Variants in ARHGEF7 observed in about 807,000 individuals in gnomAD.
The protein encoded by ARHGEF7 is PAK-interacting exchange factor beta.
Under a neutral mutation model 109.8 loss-of-function variants are expected in ARHGEF7, and 33 were observed. The ratio of observed to expected loss-of-function variants is 0.30; its 90% CI spans 0.23 to 0.40. ARHGEF7 has a LOEUF of 0.40. Ranked by LOEUF, ARHGEF7 falls within the 10% of genes least tolerant of loss-of-function variation. ARHGEF7 has a pLI of 1.00. For missense variants in ARHGEF7, 938 were observed against 1,098.5 expected (o/e 0.85, Z 2.07); for synonymous variants, 458 against 424.6 (o/e 1.08, Z -0.97).
intron 2 of ARHGEF7, among the ~76,000 whole-genome samples, chr13:111,197,140 C>T (rs11618508): frequency 0.3 from 45,766 of 151,932 alleles, 7,827 homozygotes; most frequent in Non-Finnish European, 0.39. Flanking sequence ...CCCTGCTGAT[C>T]GGAATAGTTG....
Position 111,239,247 on chromosome 13 carries a change from C to A in ARHGEF7, c.760-4625C>A, listed in dbSNP as rs1270119803. Among the ~76,000 whole-genome samples the A allele has an allele frequency of 6.6e-6, 1 of 152,138 alleles. No individual in the cohort carries two copies. Among genetic ancestry groups the A allele is most frequent in the Non-Finnish European group, 1.5e-5 (1 of 68,024 alleles). ...CCATAGAGCCAAACCATATCACTTT[C>A]CCTGTTATTTAGAGCATTATTATAA... On this transcript the variant is annotated intron_variant, in intron 6 of 21. Coordinates refer to ENST00000646102, the MANE Select transcript of ARHGEF7 (RefSeq NM_001354046.2). This position sits in a 1 kb window ranked among gnomAD's most constrained non-coding sequence, Gnocchi z 4.3.
chr13:111,167,891 C>T (rs573382622), intron 2 of ARHGEF7, among the ~76,000 whole-genome samples: 6 of 152,176 alleles, frequency 3.9e-5, no homozygotes, highest in Non-Finnish European at 7.3e-5. Context: ...AGCGTGACAG[C>T]GACATAAGGC....
chr13:111,234,455 G>A (rs1245562064), intron 6 of ARHGEF7, among the ~76,000 whole-genome samples: 2 of 152,182 alleles, frequency 1.3e-5, no homozygotes, highest in African/African-American at 4.8e-5. Flanking sequence ...TCTGTTAAAG[G>A]CACCAGGATG....
chr13:111,147,859 G>A (rs533721758), intron 1 of ARHGEF7, among the ~76,000 whole-genome samples: 3 of 151,778 alleles, frequency 2.0e-5, no homozygotes, highest in South Asian at 2.1e-4. Flanking sequence ...CACTACACCC[G>A]GCTAATTTTT....
At chr13:111,151,161 C>T (rs1307563476) in intron 1 of ARHGEF7, among the ~76,000 whole-genome samples, 3 of 152,218 alleles carry the variant, frequency 2.0e-5, no homozygotes, top group African/African-American at 7.2e-5. Flanking sequence ...ATTTACATTA[C>T]ATAGGTTCAT....
In ARHGEF7 at chr13:111,225,534, A is replaced by C. The variant is rs191775884; in HGVS notation, c.670+7654A>C. Among the ~76,000 whole-genome samples, 43 of 151,364 alleles carry C rather than the reference A, an allele frequency of 2.8e-4. No homozygotes were observed. The East Asian group carries it at 7.7e-3, about 27-fold the overall frequency. On this transcript the variant is annotated intron_variant, in intron 5 of 21. Transcript: ENST00000646102. ...TTTGTTTTTTTTTTTTTCTCTTACA[A>C]ATGGAAGGCTTGTGGCAACACTGTT...
At chr13:111,244,177 C>T in intron 7 of ARHGEF7, 22 bp from the exon 8 acceptor site, 1 of 1,509,996 alleles carries the variant, frequency 6.6e-7, no homozygotes, top group Non-Finnish European at 9.1e-7. Context: ...CATATGTTTA[C>T]TGTTATTTTT....
In ARHGEF7 at chr13:111,131,423, G is replaced by A. The variant is rs147923179; in HGVS notation, c.165+15732G>A. 3.3e-3 allele frequency among the ~76,000 whole-genome samples: 505 copies of A among 152,258 alleles called. 9 individuals are homozygous for A. The highest frequency in any genetic ancestry group is 3.3e-3 in the Admixed American group (50 of 15,302). The stretch of plus-strand genomic sequence containing the variant: ...GAATGGATTCAGGGTTGGGTGTGTC[G>A]TTGGAGGCATCCGCATAGAGCTGTT... On this transcript the variant is annotated intron_variant, in intron 1 of 21. Transcript: ENST00000646102. The surrounding 1 kb of genome is among the most constrained non-coding windows in gnomAD (Gnocchi z 4.4).
Position 111,202,291 on chromosome 13 carries a change from C to G in ARHGEF7, c.253-2998C>G, listed in dbSNP as rs910011401. Among the ~76,000 whole-genome samples, 3 of 152,326 alleles carry G rather than the reference C, an allele frequency of 2.0e-5. No individual in the cohort carries two copies. The East Asian group carries it at 5.8e-4, about 29-fold the overall frequency. The stretch of plus-strand genomic sequence containing the variant: ...CAGGATTCCTAATGACCTTCCTTAC[C>G]TCACCAGGAGCGCTTCTCACGCTTG... On this transcript the variant is annotated intron_variant, in intron 2 of 21. Transcript: ENST00000646102.
chr13:111,275,281 T>A (rs889113552), intron 11 of ARHGEF7, among the ~76,000 whole-genome samples: 5 of 152,242 alleles, frequency 3.3e-5, no homozygotes, highest in Non-Finnish European at 7.3e-5. Flanking sequence ...TGGCAAAATG[T>A]GCTCTATCTT....
In ARHGEF7 at chr13:111,303,781, TG is replaced by T. The variant is rs2093613626; in HGVS notation, c.*669del. ...ACTTGCTGGCTGACAGACTCAGTCT[TG>T]ACCTCAAGGAAGGCCCATACGGCAC... On this transcript the variant is annotated 3_prime_UTR_variant, in exon 22 of 22. Transcript: ENST00000646102. 6.6e-6 allele frequency: 1 copy of T among 152,298 alleles called. No homozygotes were observed. The highest frequency in any genetic ancestry group is 2.1e-4 in the South Asian group (1 of 4,834). 9.4% of individuals were successfully genotyped at this position (152,298 alleles called of 1,614,324 possible). A position where few individuals can be genotyped will look rare whatever the true frequency, so the allele number is the denominator to read the frequency against.
chr13:111,286,699 C>T (rs1595541735), intron 17 of ARHGEF7, among the ~76,000 whole-genome samples: 2 of 152,344 alleles, frequency 1.3e-5, no homozygotes, highest in East Asian at 3.9e-4. Context: ...GTCCTGTCTG[C>T]TCCTCAGGCC....
intron 2 of ARHGEF7, among the ~76,000 whole-genome samples, chr13:111,190,423 GTCC>G (rs1157794819): frequency 6.6e-6 from 1 of 152,114 alleles, no homozygotes; most frequent in African/African-American, 2.4e-5. Flanking sequence ...AAGGTGCAGA[GTCC>G]TCCTTTCTCA....
chr13:111,187,016 G>A (rs1381853234), intron 2 of ARHGEF7: 1 of 985,760 alleles, frequency 1.0e-6, no homozygotes, highest in East Asian at 1.1e-4. Flanking sequence ...GTTGATTAAG[G>A]TTGCTGTGCT....
intron 19 of ARHGEF7, among the ~76,000 whole-genome samples, chr13:111,295,563 T>G (rs2093409424): frequency 6.6e-6 from 1 of 151,670 alleles, no homozygotes; most frequent in South Asian, 2.1e-4. Flanking sequence ...TTTTATAAAG[T>G]GCTTATCCAG....
At chr13:111,176,653 C>T (rs754496225) in intron 2 of ARHGEF7, among the ~76,000 whole-genome samples, 16 of 152,208 alleles carry the variant, frequency 1.1e-4, no homozygotes, top group African/African-American at 7.2e-5. Context: ...CCCCCGCGTG[C>T]GGACGTTTGT....
intron 8 of ARHGEF7, among the ~76,000 whole-genome samples, chr13:111,267,313 C>T (rs566103452): frequency 9.2e-5 from 14 of 152,172 alleles, no homozygotes; most frequent in South Asian, 2.1e-4. Flanking sequence ...GGTTGGGATG[C>T]TGTGCAGTCT....
At chr13:111,178,105 C>T (rs111640295) in intron 2 of ARHGEF7, among the ~76,000 whole-genome samples, 1 of 152,210 alleles carries the variant, frequency 6.6e-6, no homozygotes, top group Admixed American at 6.5e-5. Flanking sequence ...ATCTTTTAGT[C>T]ATTGCTTTTC....
chr13:111,178,616 C>G (rs1446703804), intron 2 of ARHGEF7, among the ~76,000 whole-genome samples: 1 of 152,226 alleles, frequency 6.6e-6, no homozygotes, highest in Non-Finnish European at 1.5e-5. Flanking sequence ...ACTGAGTTAG[C>G]TTGGTACTTA....
Sources: allele counts gnomAD v4.1 joint callset (sites outside exome capture counted in the v4.1 genomes callset), GRCh38; gene constraint gnomAD v4.1.1; non-coding constraint Gnocchi (gnomAD v3.1); transcripts MANE v1.5; gene names NCBI Gene and HGNC (gene_info 2026-07-23, HGNC 2026-07-21).